Variants in TAF1B observed in about 807,000 individuals in gnomAD.
TAF1B encodes the protein TATA box-binding protein-associated factor RNA polymerase I subunit B.
TAF1B carries 61 observed loss-of-function variants against 83.9 expected under a neutral mutation model. That is an observed-to-expected ratio of 0.73 (90% CI 0.59 to 0.90). TAF1B has a LOEUF of 0.90. TAF1B is among the 40% of genes least tolerant of loss of function. The pLI is 0.00. For synonymous variants in TAF1B, 221 were observed against 224.6 expected, an observed-to-expected ratio of 0.98 and a Z score of 0.14; for missense variants, 625 against 677.0, an observed-to-expected ratio of 0.92 and a Z score of 0.85.
chr2:9,919,923 A>C, intron 14 of TAF1B, 103 bp downstream of exon 14: 1 of 1,090,124 alleles, frequency 9.2e-7, no homozygotes, highest in Non-Finnish European at 1.3e-6. Context: ...GCTTAAAGTC[A>C]CGAAAATCAG....
chr2:9,887,922 A>G (rs1319763318), intron 8 of TAF1B, among the ~76,000 whole-genome samples: 1 of 151,902 alleles, frequency 6.6e-6, no homozygotes, highest in Non-Finnish European at 1.5e-5. Context: ...GCATGATCGT[A>G]GCTCACTGTA....
chr2:9,879,741 A>C (rs925522205), intron 7 of TAF1B, among the ~76,000 whole-genome samples: 4 of 152,220 alleles, frequency 2.6e-5, no homozygotes, highest in Admixed American at 2.0e-4. Context: ...TGTCTTTGTA[A>C]ACCAAGTTAG....
chr2:9,864,537 T>C (rs1326197398), intron 5 of TAF1B, among the ~76,000 whole-genome samples: 1 of 152,178 alleles, frequency 6.6e-6, no homozygotes, highest in Non-Finnish European at 1.5e-5. Flanking sequence ...CCATTCCTTC[T>C]GAAACTATTC....
At chr2:9,861,606 C>T (rs1194323282) in intron 5 of TAF1B, among the ~76,000 whole-genome samples, 1 of 152,228 alleles carries the variant, frequency 6.6e-6, no homozygotes, top group East Asian at 1.9e-4. Context: ...CAGTGGTTCT[C>T]CCACCATGCA....
chr2:9,889,278 T>C (rs1664790595), intron 8 of TAF1B, among the ~76,000 whole-genome samples: 1 of 152,140 alleles, frequency 6.6e-6, no homozygotes, highest in South Asian at 2.1e-4. Flanking sequence ...CTTTTCCTTT[T>C]TATTTTTCTG....
chr2:9,861,667 C>T (rs550603113), intron 5 of TAF1B, among the ~76,000 whole-genome samples: 30 of 152,344 alleles, frequency 2.0e-4, no homozygotes, highest in Admixed American at 6.5e-4. Flanking sequence ...GTCCCTGATC[C>T]CTGAGTAGCC....
chr2:9,853,673 G>A (rs1663470299), intron 4 of TAF1B, among the ~76,000 whole-genome samples: 1 of 152,008 alleles, frequency 6.6e-6, no homozygotes, highest in Non-Finnish European at 1.5e-5. Context: ...TCACCATGTT[G>A]CCCAGGCTGG....
At chr2:9,926,973 C>A (rs1209862651) in intron 14 of TAF1B, among the ~76,000 whole-genome samples, 1 of 151,884 alleles carries the variant, frequency 6.6e-6, no homozygotes, top group African/African-American at 2.4e-5. Flanking sequence ...CTGTACCCAT[C>A]AACTGGTCAT....
intron 14 of TAF1B, among the ~76,000 whole-genome samples, chr2:9,920,727 T>C (rs930729979): frequency 6.6e-6 from 1 of 152,356 alleles, no homozygotes; most frequent in East Asian, 1.9e-4. Context: ...TGAAATACTC[T>C]GATCTTCATT....
chr2:9,848,371 G>C (rs1009497842), intron 2 of TAF1B, among the ~76,000 whole-genome samples: 1 of 152,132 alleles, frequency 6.6e-6, no homozygotes, highest in Non-Finnish European at 1.5e-5. Context: ...CTGGCATTAA[G>C]ACTCAATAAT....
intron 6 of TAF1B, 99 bp downstream of exon 6, chr2:9,868,528 G>A (rs1572231376): frequency 1.4e-6 from 2 of 1,468,772 alleles, no homozygotes. Flanking sequence ...AGGGAACTTG[G>A]TCTAGCGAGG....
At chr2:9,910,954 T>G (rs1317176651) in intron 10 of TAF1B, 41 bp downstream of exon 10, 5 of 1,539,052 alleles carry the variant, frequency 3.2e-6, no homozygotes, top group Admixed American at 2.0e-5. Context: ...CATTTTATGG[T>G]GCTGATCTTA....
At chr2:9,855,292 G>A (rs1663526296) in intron 5 of TAF1B, among the ~76,000 whole-genome samples, 1 of 152,238 alleles carries the variant, frequency 6.6e-6, no homozygotes, top group Non-Finnish European at 1.5e-5. Flanking sequence ...ACTGCGCCCA[G>A]CCAGTTGGAT....
chr2:9,920,621 A>G (rs989213792), intron 14 of TAF1B, among the ~76,000 whole-genome samples: 109 of 151,760 alleles, frequency 7.2e-4, no homozygotes, highest in African/African-American at 2.5e-3. Flanking sequence ...GTTAATAGTG[A>G]TCACCCAGTC....
chr2:9,857,916 A>G lies in TAF1B; in HGVS notation c.399+3495A>G, dbSNP rs148903402. Among the ~76,000 whole-genome samples, 972 of 152,260 alleles carry G rather than the reference A, an allele frequency of 6.4e-3. 5 individuals are homozygous for G. The highest frequency in any genetic ancestry group is 0.011 in the Non-Finnish European group (737 of 68,004). On this transcript the variant is annotated intron_variant, in intron 5 of 14. Transcript: ENST00000263663. ...TGGGGATTACAATTCGAGATGAGAG[A>G]TTTGGATGGGGACAGAGCCAAACCA...
At chr2:9,849,676 A>G (rs777694523) in intron 3 of TAF1B, among the ~76,000 whole-genome samples, 11 of 152,198 alleles carry the variant, frequency 7.2e-5, no homozygotes, top group African/African-American at 2.4e-4. Flanking sequence ...AAATAATTCA[A>G]CCGTGGAATT....
rs150350020 is a variant in TAF1B, at chr2:9,934,220, A to G, written c.*236A>G. The G allele has an allele frequency of 9.3e-4, 350 of 376,834 alleles. 3 individuals carry two copies. In the East Asian group the frequency reaches 0.016, roughly 17 times the overall value. The allele number at this position is 376,834 out of a possible 1,614,324, so 23.3% of individuals were successfully genotyped here. A position where few individuals can be genotyped will look rare whatever the true frequency, so the allele number is the denominator to read the frequency against. On this transcript the variant is annotated 3_prime_UTR_variant, in exon 15 of 15. Coordinates refer to ENST00000263663, the MANE Select transcript of TAF1B (RefSeq NM_005680.3). ...CTAAGAGAAAGTTAAAACAATAGCA[A>G]ATTGTATAATTGTATCCAGAAATGT...
chr2:9,890,273 T>G (rs1421683004), intron 8 of TAF1B, among the ~76,000 whole-genome samples: 1 of 152,212 alleles, frequency 6.6e-6, no homozygotes, highest in African/African-American at 2.4e-5. Flanking sequence ...ACCTGTTCTT[T>G]CATATATTTT....
At chr2:9,869,266 C>A (rs1361427869) in intron 6 of TAF1B, among the ~76,000 whole-genome samples, 1 of 151,806 alleles carries the variant, frequency 6.6e-6, no homozygotes, top group Non-Finnish European at 1.5e-5. Context: ...GTTCTGTCAC[C>A]CAGGCTGGAG....
Sources: gnomAD v4.1 joint callset for allele counts (sites outside exome capture counted in the v4.1 genomes callset) on GRCh38, gnomAD v4.1.1 for gene constraint, MANE v1.5 for transcripts, NCBI Gene and HGNC (gene_info 2026-07-23, HGNC 2026-07-21) for gene names.